Variants in NFIB observed in about 807,000 individuals in gnomAD.
NFIB encodes the protein nuclear factor I B.
NFIB carries 11 observed loss-of-function variants against 61.5 expected under a neutral mutation model. The observed-to-expected ratio is 0.18, with a 90% CI of 0.11 to 0.30. The LOEUF (loss-of-function observed/expected upper bound fraction) is 0.30. NFIB is among the 10% of genes least tolerant of loss of function. The probability of loss-of-function intolerance (pLI) is 1.00; values close to 1 mark genes in which losing one functional copy is unlikely to be tolerated. For synonymous variants in NFIB, 260 were observed against 216.5 expected, an observed-to-expected ratio of 1.20 and a Z score of -1.76; for missense variants, 471 against 608.9, an observed-to-expected ratio of 0.77 and a Z score of 2.38.
chr9:14,160,012 A>G (rs1203936762), intron 3 of NFIB, among the ~76,000 whole-genome samples: 1 of 152,212 alleles, frequency 6.6e-6, no homozygotes, highest in Non-Finnish European at 1.5e-5. Context: ...TCTGAGGCAG[A>G]GCAGCTGCTT....
intron 1 of NFIB, among the ~76,000 whole-genome samples, chr9:14,311,922 G>C (rs1318170900): frequency 6.6e-6 from 1 of 152,026 alleles, no homozygotes; most frequent in Non-Finnish European, 1.5e-5. Context: ...CCAGCCGATG[G>C]GTAATATTAA....
At chr9:14,478,356 T>A in the NFIB span, among the ~76,000 whole-genome samples, 1 of 152,202 alleles carries the variant, frequency 6.6e-6, no homozygotes, top group East Asian at 1.9e-4. Context: ...TCTCCTCTCC[T>A]TATCTTTTCT....
intron 3 of NFIB, among the ~76,000 whole-genome samples, chr9:14,176,582 T>C (rs1396927706): frequency 1.3e-5 from 2 of 152,200 alleles, no homozygotes; most frequent in African/African-American, 4.8e-5. Flanking sequence ...TTTTATAAAA[T>C]AATATCAAAT....
intron 2 of NFIB, 44 bp downstream of exon 2, chr9:14,306,944 TA>T (rs2060051435): frequency 6.3e-7 from 1 of 1,598,274 alleles, no homozygotes; most frequent in Admixed American, 1.7e-5. Context: ...CGGAGATTTG[TA>T]GGCGGTGTTT....
chr9:14,375,461 G>T (rs534301875), intron 1 of NFIB, among the ~76,000 whole-genome samples: 91 of 152,226 alleles, frequency 6.0e-4, no homozygotes, highest in Non-Finnish European at 1.1e-3. Flanking sequence ...TTCGAGACCA[G>T]CCTGACCAAC....
intron 2 of NFIB, among the ~76,000 whole-genome samples, chr9:14,237,776 G>GTGTC (rs1300294620): frequency 2.4e-5 from 2 of 82,878 alleles, no homozygotes; most frequent in African/African-American, 8.9e-5. Context: ...GTGTGTGTGT[G>GTGTC]TGTGTGTGTG....
chr9:14,523,933 A>G, the NFIB span, among the ~76,000 whole-genome samples: 1 of 152,162 alleles, frequency 6.6e-6, no homozygotes, highest in African/African-American at 2.4e-5. Context: ...CATAATTCCA[A>G]CATGCCTCTA....
chr9:14,204,743 G>T (rs1265492737), intron 2 of NFIB: 2 of 575,932 alleles, frequency 3.5e-6, no homozygotes, highest in Middle Eastern at 4.9e-4. Flanking sequence ...CATCGAGCTG[G>T]TTGTGTTCCT....
chr9:14,140,541 G>T (rs2041568875), intron 6 of NFIB, among the ~76,000 whole-genome samples: 1 of 152,158 alleles, frequency 6.6e-6, no homozygotes, highest in Non-Finnish European at 1.5e-5. Flanking sequence ...ATTTATGAAT[G>T]AAAATAGTTG....
chr9:14,255,093 C>T (rs764164460), intron 2 of NFIB, among the ~76,000 whole-genome samples: 1 of 152,046 alleles, frequency 6.6e-6, no homozygotes, highest in Non-Finnish European at 1.5e-5. Flanking sequence ...TGTGGTGGCG[C>T]ATACCTGTAG....
chr9:14,156,000 C>T lies in NFIB; in HGVS notation c.617-107G>A, dbSNP rs923684589. 6 of 561,524 alleles carry T rather than the reference C, an allele frequency of 1.1e-5. No individual in the cohort carries two copies. In the African/African-American group the frequency reaches 1.2e-4, roughly 11 times the overall value. The allele number at this position is 561,524 out of a possible 1,614,324, so 34.8% of individuals were successfully genotyped here. A position where few individuals can be genotyped will look rare whatever the true frequency, so the allele number is the denominator to read the frequency against. ...TAAAGCCAATGGTTTGAACAAAAAC[C>T]AAATATGCTTACAATAAGGACTTTA... is the stretch of plus-strand genomic sequence containing the variant. On this transcript the variant is annotated intron_variant, in intron 3 of 10. Coordinates refer to ENST00000380953, the MANE Select transcript of NFIB (RefSeq NM_001190737.2).
the NFIB span, among the ~76,000 whole-genome samples, chr9:14,516,099 G>C: frequency 6.6e-6 from 1 of 152,234 alleles, no homozygotes; most frequent in Non-Finnish European, 1.5e-5. Context: ...CAGCCGAGCT[G>C]CCCAGAGACA....
At chr9:14,524,440 C>A in the NFIB span, among the ~76,000 whole-genome samples, 131,208 of 152,194 alleles carry the variant, frequency 0.86, 56,861 homozygotes, top group East Asian at 0.97. Flanking sequence ...CCAGCTAAAT[C>A]TTTCCCATTA....
chr9:14,360,498 TTGAA>T (rs1381648711), intron 1 of NFIB, among the ~76,000 whole-genome samples: 1 of 152,084 alleles, frequency 6.6e-6, no homozygotes, highest in African/African-American at 2.4e-5. Context: ...TTTTGGCAAA[TTGAA>T]TGATTTGGGT....
At chr9:14,403,094 T>C (rs1163678088), upstream of NFIB, among the ~76,000 whole-genome samples, 1 of 152,180 alleles carries the variant, frequency 6.6e-6, no homozygotes, top group Non-Finnish European at 1.5e-5. Flanking sequence ...ACTTATGCAT[T>C]GTTTGAGCAG....
Position 14,216,528 on chromosome 9 carries a change from CTCTCTCTCTCTCTCCCTCTGTGTGTGTG to C in NFIB, c.563-36776_563-36749del, listed in dbSNP as rs1316382312. 8.8e-3 allele frequency among the ~76,000 whole-genome samples: 790 copies of C among 89,548 alleles called. 14 individuals carry two copies. Among genetic ancestry groups the C allele is most frequent in the South Asian group, 0.034 (81 of 2,352 alleles). 58.7% of individuals were successfully genotyped at this position (89,548 alleles called of 152,430 possible). ...TCTCTCTCTCTCTCTCTCTCTCTCT[CTCTCTCTCTCTCTCCCTCTGTGTGTGTG>C]TGTGTGTGTGTGTGTGTGTGTGTGT... On this transcript the variant is annotated intron_variant, in intron 2 of 10. Coordinates refer to ENST00000380953, the MANE Select transcript of NFIB (RefSeq NM_001190737.2).
At chr9:14,380,417 TAA>T (rs1019800208) in intron 1 of NFIB, among the ~76,000 whole-genome samples, 2 of 152,196 alleles carry the variant, frequency 1.3e-5, no homozygotes, top group African/African-American at 2.4e-5. Flanking sequence ...AATGGTGATG[TAA>T]ATAGAAAAAT....
intron 1 of NFIB, among the ~76,000 whole-genome samples, chr9:14,337,143 T>C (rs1355043045): frequency 1.3e-5 from 2 of 152,228 alleles, no homozygotes; most frequent in Non-Finnish European, 2.9e-5. Flanking sequence ...GATAGTTTTC[T>C]GGCTGCTACC....
chr9:14,202,335 A>T (rs2049131727), intron 2 of NFIB, among the ~76,000 whole-genome samples: 1 of 152,230 alleles, frequency 6.6e-6, no homozygotes, highest in Non-Finnish European at 1.5e-5. Flanking sequence ...ATGAGACTAT[A>T]AAATAATGAG....
Sources: allele counts gnomAD v4.1 joint callset (sites outside exome capture counted in the v4.1 genomes callset), GRCh38; gene constraint gnomAD v4.1.1; transcripts MANE v1.5; gene names NCBI Gene and HGNC (gene_info 2026-07-23, HGNC 2026-07-21).